The following ZC3H13 variants were observed in gnomAD, a reference collection of about 807,000 sequenced individuals.
ZC3H13 encodes zinc finger CCCH domain-containing protein 13.
A neutral mutation model predicts 204.1 loss-of-function variants in ZC3H13; 64 were observed. That is an observed-to-expected ratio of 0.31 (90% CI 0.26 to 0.39). The LOEUF is 0.39. Ranked by LOEUF, ZC3H13 falls within the 10% of genes least tolerant of loss-of-function variation. The pLI, the probability that ZC3H13 is intolerant of heterozygous loss-of-function variation, is 1.00. For missense variants in ZC3H13, 1,833 were observed against 2,082.7 expected (o/e 0.88, Z 2.33); for synonymous variants, 667 against 693.7 (o/e 0.96, Z 0.60).
At chr13:45,977,504 A>C (rs1953157217) in intron 11 of ZC3H13, among the ~76,000 whole-genome samples, 1 of 152,152 alleles carries the variant, frequency 6.6e-6, no homozygotes, top group South Asian at 2.1e-4. Context: ...ATCTTCCCCT[A>C]TCTTTCCCCC....
chr13:46,026,674 C>T (rs934347402), intron 4 of ZC3H13, among the ~76,000 whole-genome samples: 1 of 151,986 alleles, frequency 6.6e-6, no homozygotes, highest in Non-Finnish European at 1.5e-5. Context: ...GCCCTCCAAC[C>T]TGAAAATTTT....
At chr13:46,020,648 ATC>A (rs1168799467) in intron 4 of ZC3H13, 91 bp from the exon 5 acceptor site, 7 of 814,898 alleles carry the variant, frequency 8.6e-6, no homozygotes, top group African/African-American at 7.1e-5. Flanking sequence ...AATTTCATTC[ATC>A]TCTGTTTCAT....
intron 7 of ZC3H13, among the ~76,000 whole-genome samples, chr13:46,005,819 C>T (rs1054696979): frequency 1.3e-5 from 2 of 152,028 alleles, no homozygotes; most frequent in South Asian, 2.1e-4. Flanking sequence ...TCAGGCTGGG[C>T]GACGTGGCTC....
At chr13:45,976,581 C>T (rs1953067111) in intron 11 of ZC3H13, among the ~76,000 whole-genome samples, 1 of 152,170 alleles carries the variant, frequency 6.6e-6, no homozygotes, top group African/African-American at 2.4e-5. Flanking sequence ...CTGATAACCT[C>T]ATCACATTTT....
intron 1 of ZC3H13, 97 bp from the exon 2 acceptor site, chr13:46,045,613 G>A: frequency 1.3e-6 from 1 of 783,918 alleles, no homozygotes; most frequent in Non-Finnish European, 2.1e-6. Flanking sequence ...AGGTAACAGT[G>A]TAAAATTACA....
At chr13:45,958,725 T>C (rs1027699169) in intron 18 of ZC3H13, among the ~76,000 whole-genome samples, 2 of 149,014 alleles carry the variant, frequency 1.3e-5, no homozygotes, top group African/African-American at 4.9e-5. Context: ...GCACGATCTC[T>C]GCTCACTGCA....
At chr13:46,026,297 T>C (rs2042540695) in intron 4 of ZC3H13, among the ~76,000 whole-genome samples, 1 of 152,102 alleles carries the variant, frequency 6.6e-6, no homozygotes, top group Admixed American at 6.5e-5. Context: ...AGTTAATACT[T>C]CTGTATCTAT....
Position 45,975,421 on chromosome 13 carries a change from G to T in ZC3H13, c.2330C>A (p.Ala777Glu), listed in dbSNP as rs1270958848. The change falls in exon 12 of 19, where the codon GCG (alanine) becomes GAG (glutamate). Residue 777 changes from alanine (A) to glutamate (E), a missense_variant. This residue lies in a region of ZC3H13 where 1,574 missense variants were observed against 1,757.2 expected (regional missense o/e 0.90). Coordinates refer to ENST00000679008, the MANE Select transcript of ZC3H13 (RefSeq NM_001330564.2). ...ERERERERER[A>E]RERDKERERQ... The stretch of plus-strand genomic sequence containing the variant: ...TTCTCGTTCTTTATCCCTTTCTCTC[G>T]CTCTTTCTCGTTCCCGTTCTCGCTC... 2.5e-6 allele frequency: 4 copies of T among 1,612,598 alleles called. No individual in the cohort carries two copies. Among genetic ancestry groups the T allele is most frequent in the Non-Finnish European group, 2.5e-6 (3 of 1,179,648 alleles).
In ZC3H13 at chr13:45,979,856, C is replaced by T. The variant is rs766088277; in HGVS notation, c.1869G>A (p.Glu623=). 4 of 1,604,024 alleles carry T rather than the reference C, an allele frequency of 2.5e-6. No individual in the cohort carries two copies. The highest frequency in any genetic ancestry group is 3.4e-6 in the Non-Finnish European group (4 of 1,175,730). The change falls in exon 11 of 19, where the codon GAG becomes GAA. Residue 623 remains glutamate (E), a synonymous_variant. Coordinates refer to ENST00000679008, the MANE Select transcript of ZC3H13 (RefSeq NM_001330564.2). ...GACGGTCTCGCTCTCCATGTCTTCT[C>T]TCAAAGGAAGAATCCCTTGCTTGAT... ...NRDQARDSSF[E]RRHGERDRRD...
At chr13:45,971,451 T>C (rs941722087) in intron 12 of ZC3H13, among the ~76,000 whole-genome samples, 2 of 152,010 alleles carry the variant, frequency 1.3e-5, no homozygotes, top group Admixed American at 6.6e-5. Context: ...GGTGGGAAAA[T>C]TGGCAAGTCA....
chr13:46,001,222 T>C (rs1024553650), intron 8 of ZC3H13: 5 of 152,170 alleles, frequency 3.3e-5, no homozygotes, highest in South Asian at 2.1e-4. Context: ...AACCTTCCAT[T>C]TGTAAAAATA....
intron 4 of ZC3H13, among the ~76,000 whole-genome samples, chr13:46,034,772 G>C (rs2043109569): frequency 6.6e-6 from 1 of 151,804 alleles, no homozygotes; most frequent in Admixed American, 6.6e-5. Context: ...AAAGGCTCAG[G>C]ATCCAATACA....
intron 5 of ZC3H13, among the ~76,000 whole-genome samples, chr13:46,013,105 C>T (rs1356538758): frequency 1.3e-5 from 2 of 152,092 alleles, no homozygotes; most frequent in African/African-American, 2.4e-5. Flanking sequence ...GGGGGAGAGG[C>T]CTGAGCAGTT....
intron 1 of ZC3H13, among the ~76,000 whole-genome samples, chr13:46,047,103 C>T (rs1344121920): frequency 6.6e-6 from 1 of 152,000 alleles, no homozygotes; most frequent in African/African-American, 2.4e-5. Context: ...GTGGTAGTAC[C>T]TAATTGAAAC....
intron 13 of ZC3H13, 64 bp downstream of exon 13, chr13:45,970,298 A>G: frequency 6.4e-7 from 1 of 1,552,190 alleles, no homozygotes; most frequent in Admixed American, 1.8e-5. Context: ...ACTAGTATGA[A>G]AGGATGGTTT....
intron 4 of ZC3H13, among the ~76,000 whole-genome samples, chr13:46,031,972 A>G (rs1052561785): frequency 2.6e-5 from 4 of 152,248 alleles, no homozygotes; most frequent in Non-Finnish European, 4.4e-5. Flanking sequence ...CTGCACACAG[A>G]TGTTTATAGC....
chr13:45,957,849 T>A (rs1951377611), intron 18 of ZC3H13, among the ~76,000 whole-genome samples: 1 of 152,208 alleles, frequency 6.6e-6, no homozygotes, highest in Non-Finnish European at 1.5e-5. Flanking sequence ...GAATAAATCC[T>A]TTAGAAGACA....
At chr13:46,035,943 C>T (rs576714739) in intron 4 of ZC3H13, among the ~76,000 whole-genome samples, 54 of 152,148 alleles carry the variant, frequency 3.5e-4, no homozygotes, top group African/African-American at 1.3e-3. Context: ...AGAGTCAGTG[C>T]CATTTTTTTT....
At chr13:45,996,552 A>C (rs938367988) in intron 8 of ZC3H13, among the ~76,000 whole-genome samples, 4 of 152,182 alleles carry the variant, frequency 2.6e-5, no homozygotes, top group Non-Finnish European at 5.9e-5. Context: ...GCACAGTGAA[A>C]TCTTTTGTCG....
Sources: allele counts gnomAD v4.1 joint callset (sites outside exome capture counted in the v4.1 genomes callset), GRCh38; gene constraint gnomAD v4.1.1; regional missense constraint gnomAD v4.1.1; transcripts MANE v1.5; gene names NCBI Gene and HGNC (gene_info 2026-07-23, HGNC 2026-07-21).